GNAQ: variants seen among roughly 807,000 people sequenced by gnomAD.
GNAQ encodes the protein guanine nucleotide-binding protein G(q) subunit alpha.
In GNAQ, 8 loss-of-function variants were observed where a neutral mutation model predicts 43.9. The observed-to-expected ratio is 0.18, with a 90% confidence interval of 0.11 to 0.33. The LOEUF is 0.33. Ranked by LOEUF, GNAQ falls within the 10% of genes least tolerant of loss-of-function variation. GNAQ has a pLI of 1.00. For missense variants in GNAQ, 158 were observed against 450.8 expected (o/e 0.35, Z 5.88); for synonymous variants, 155 against 170.7 (o/e 0.91, Z 0.71).
chr9:77,996,979 G>C (rs1438976448), intron 1 of GNAQ, among the ~76,000 whole-genome samples: 1 of 152,158 alleles, frequency 6.6e-6, no homozygotes, highest in Non-Finnish European at 1.5e-5. Context: ...CCTAGGCCCT[G>C]TGCAAAATAT....
At chr9:77,743,449 A>C (rs1825684836) in intron 5 of GNAQ, among the ~76,000 whole-genome samples, 1 of 152,184 alleles carries the variant, frequency 6.6e-6, no homozygotes, top group Non-Finnish European at 1.5e-5. Flanking sequence ...TGAAGAGTGG[A>C]GTATTTAAAT....
At chr9:77,954,065 C>T (rs1823013727) in intron 1 of GNAQ, among the ~76,000 whole-genome samples, 1 of 152,108 alleles carries the variant, frequency 6.6e-6, no homozygotes, top group Non-Finnish European at 1.5e-5. Context: ...GAAACTCTAA[C>T]ATGAAAACTG....
intron 2 of GNAQ, among the ~76,000 whole-genome samples, chr9:77,864,979 T>C (rs1465318764): frequency 6.6e-6 from 1 of 152,162 alleles, no homozygotes; most frequent in Admixed American, 6.5e-5. Flanking sequence ...GTATCCCTCC[T>C]ACCTTATCAT....
intron 5 of GNAQ, among the ~76,000 whole-genome samples, chr9:77,753,295 A>C (rs1178109885): frequency 6.6e-6 from 1 of 152,110 alleles, no homozygotes; most frequent in Non-Finnish European, 1.5e-5. Flanking sequence ...ACGCGCACAC[A>C]CACACACCCC....
At chr9:77,840,214 T>A (rs1827465235) in intron 2 of GNAQ, among the ~76,000 whole-genome samples, 1 of 152,218 alleles carries the variant, frequency 6.6e-6, no homozygotes, top group Non-Finnish European at 1.5e-5. Context: ...CATGAAATAA[T>A]TGGTATACTT....
At chr9:77,829,936 C>A (rs1262959102) in intron 2 of GNAQ, among the ~76,000 whole-genome samples, 3 of 152,098 alleles carry the variant, frequency 2.0e-5, no homozygotes, top group Admixed American at 6.6e-5. Context: ...TTTAATTGGT[C>A]TGAGACATGA....
intron 5 of GNAQ, among the ~76,000 whole-genome samples, chr9:77,787,842 C>T (rs1223856992): frequency 6.6e-6 from 1 of 151,974 alleles, no homozygotes; most frequent in African/African-American, 2.4e-5. Context: ...CCAGCCTGGC[C>T]AACATGGTGA....
At chr9:77,943,787 C>T (rs1041834099) in intron 1 of GNAQ, among the ~76,000 whole-genome samples, 1 of 151,770 alleles carries the variant, frequency 6.6e-6, no homozygotes, top group African/African-American at 2.4e-5. Flanking sequence ...CCTCAGCCTC[C>T]CAAGAGTAGC....
intron 5 of GNAQ, among the ~76,000 whole-genome samples, chr9:77,767,307 C>T (rs915457899): frequency 6.6e-6 from 1 of 152,126 alleles, no homozygotes; most frequent in Admixed American, 6.5e-5. Flanking sequence ...ACCTCTCCTA[C>T]TAGATGCCAG....
At chr9:77,764,140 G>C (rs1587905916) in intron 5 of GNAQ, among the ~76,000 whole-genome samples, 2 of 152,142 alleles carry the variant, frequency 1.3e-5, no homozygotes, top group Non-Finnish European at 2.9e-5. Context: ...TCCTAAACAA[G>C]AAAGTGAGAT....
At chr9:77,978,792 G>A (rs1315537793) in intron 1 of GNAQ, among the ~76,000 whole-genome samples, 1 of 152,220 alleles carries the variant, frequency 6.6e-6, no homozygotes, top group East Asian at 1.9e-4. Flanking sequence ...AGGTACAGTG[G>A]CTCACGCCTA....
At chr9:77,815,564 C>T in intron 3 of GNAQ, 52 bp downstream of exon 3, 1 of 1,176,370 alleles carries the variant, frequency 8.5e-7, no homozygotes, top group South Asian at 1.3e-5. Context: ...CATAAAACCT[C>T]CACATGGAAG....
At chr9:77,896,295 C>T (rs1418746761) in intron 2 of GNAQ, among the ~76,000 whole-genome samples, 1 of 152,098 alleles carries the variant, frequency 6.6e-6, no homozygotes, top group Non-Finnish European at 1.5e-5. Flanking sequence ...AAAACACTCA[C>T]CAGGAATAAT....
At chr9:77,966,346 T>C (rs1461139993) in intron 1 of GNAQ, among the ~76,000 whole-genome samples, 3 of 152,182 alleles carry the variant, frequency 2.0e-5, no homozygotes, top group Non-Finnish European at 2.9e-5. Flanking sequence ...AAAACTGTTA[T>C]TACAAAATGT....
intron 2 of GNAQ, among the ~76,000 whole-genome samples, chr9:77,840,447 C>T (rs1288549463): frequency 1.3e-5 from 2 of 151,856 alleles, no homozygotes; most frequent in African/African-American, 2.4e-5. Flanking sequence ...AGCAATTCTC[C>T]TGCCTCAGCC....
intron 3 of GNAQ, among the ~76,000 whole-genome samples, chr9:77,806,622 G>C (rs1187035228): frequency 6.6e-6 from 1 of 152,152 alleles, no homozygotes; most frequent in Non-Finnish European, 1.5e-5. Flanking sequence ...GTAGAGGTGG[G>C]GATGGGTTAC....
chr9:77,897,342 G>C (rs576009994), intron 2 of GNAQ, among the ~76,000 whole-genome samples: 5 of 152,334 alleles, frequency 3.3e-5, no homozygotes, highest in African/African-American at 1.2e-4. Flanking sequence ...TACTGCAGCA[G>C]AGCACAGCTA....
chr9:77,974,620 T>C (rs1233606611), intron 1 of GNAQ, among the ~76,000 whole-genome samples: 1 of 152,146 alleles, frequency 6.6e-6, no homozygotes, highest in Non-Finnish European at 1.5e-5. Flanking sequence ...GAGGGGAGGA[T>C]AATGGCCTGC....
At chr9:77,834,947 T>C (rs940004657) in intron 2 of GNAQ, among the ~76,000 whole-genome samples, 1 of 152,218 alleles carries the variant, frequency 6.6e-6, no homozygotes, top group Non-Finnish European at 1.5e-5. Flanking sequence ...TTTCAACTTT[T>C]GATCAGCACA....
Sources: gnomAD v4.1 joint callset for allele counts (sites outside exome capture counted in the v4.1 genomes callset) on GRCh38, gnomAD v4.1.1 for gene constraint, MANE v1.5 for transcripts, NCBI Gene and HGNC (gene_info 2026-07-23, HGNC 2026-07-21) for gene names.